TIAM2: variants seen among roughly 807,000 people sequenced by gnomAD.
The protein encoded by TIAM2 is rho guanine nucleotide exchange factor TIAM2.
A neutral mutation model predicts 152.9 loss-of-function variants in TIAM2; 80 were observed. The ratio of observed to expected loss-of-function variants is 0.52; its 90% CI spans 0.44 to 0.63. The LOEUF (loss-of-function observed/expected upper bound fraction) is 0.63, where lower values mean the gene tolerates loss of function less well. Among genes scored for constraint, TIAM2 ranks in the 30% least tolerant of loss-of-function variants. The pLI is 0.00. For missense variants in TIAM2, 1,965 were observed against 2,120.1 expected (o/e 0.93, Z 1.44); for synonymous variants, 804 against 838.0 (o/e 0.96, Z 0.70).
chr6:155,008,313 G>T (rs1778431670), intron 1 of TIAM2, among the ~76,000 whole-genome samples: 1 of 152,204 alleles, frequency 6.6e-6, no homozygotes, highest in African/African-American at 2.4e-5. Context: ...TTAGTGGTTA[G>T]TCCGGATAGT....
intron 9 of TIAM2, among the ~76,000 whole-genome samples, chr6:155,169,641 G>A (rs1230373152): frequency 6.6e-6 from 1 of 152,098 alleles, no homozygotes; most frequent in Non-Finnish European, 1.5e-5. Context: ...GCCGTCAAGG[G>A]GAGCCTGAGT....
chr6:155,188,259 C>T (rs1343667347), intron 14 of TIAM2, among the ~76,000 whole-genome samples: 3 of 152,206 alleles, frequency 2.0e-5, no homozygotes, highest in African/African-American at 4.8e-5. Flanking sequence ...ACACCATGTT[C>T]CATTTGGCAA....
intron 10 of TIAM2, among the ~76,000 whole-genome samples, chr6:155,177,534 G>C (rs1040581735): frequency 2.6e-5 from 4 of 152,158 alleles, no homozygotes; most frequent in Non-Finnish European, 5.9e-5. Context: ...AGCAACATCA[G>C]ATCAGAAGCT....
At chr6:155,229,278 TTGAC>T (rs1207422346) in intron 15 of TIAM2, among the ~76,000 whole-genome samples, 2 of 152,202 alleles carry the variant, frequency 1.3e-5, no homozygotes, top group Non-Finnish European at 2.9e-5. Context: ...TGAGATGAAT[TTGAC>T]TGTTCTTGCC....
intron 15 of TIAM2, among the ~76,000 whole-genome samples, chr6:155,235,140 T>A (rs1782689017): frequency 6.6e-6 from 1 of 152,208 alleles, no homozygotes. Flanking sequence ...TGGAAAGCCC[T>A]GGAGAGTCAT....
intron 5 of TIAM2, among the ~76,000 whole-genome samples, chr6:155,142,053 G>A (rs1414864256): frequency 2.0e-5 from 3 of 151,916 alleles, no homozygotes; most frequent in Admixed American, 6.6e-5. Flanking sequence ...CGGGGTGAAC[G>A]GCAAGGCAGG....
intron 15 of TIAM2, among the ~76,000 whole-genome samples, chr6:155,223,559 T>C (rs991038850): frequency 3.5e-5 from 5 of 144,522 alleles, no homozygotes; most frequent in East Asian, 2.0e-4. Flanking sequence ...TGCACTTCAA[T>C]GGATGCAAAC....
Position 155,219,452 on chromosome 6 carries a change from C to T in TIAM2, c.3168+8145C>T, listed in dbSNP as rs926681733. On this transcript the variant is annotated intron_variant, in intron 15 of 26. Coordinates refer to ENST00000682666, the MANE Select transcript of TIAM2 (RefSeq NM_012454.4). The stretch of plus-strand genomic sequence containing the variant: ...GGCAAGGACACAGATCACCAGGGGT[C>T]AGAGTTGGGCGGAGTGTGGCACCAG... Among the ~76,000 whole-genome samples, 43 of 152,132 alleles carry T rather than the reference C, an allele frequency of 2.8e-4. 1 individual carries two copies. Among genetic ancestry groups the T allele is most frequent in the African/African-American group, 9.2e-4 (38 of 41,422 alleles).
At chr6:155,132,833 T>C (rs1366662947) in intron 4 of TIAM2, among the ~76,000 whole-genome samples, 1 of 152,226 alleles carries the variant, frequency 6.6e-6, no homozygotes, top group Non-Finnish European at 1.5e-5. Flanking sequence ...ATATGTGGCC[T>C]GGCTTACACG....
chr6:155,208,988 G>A lies in TIAM2; in HGVS notation c.3065-2216G>A, dbSNP rs971170548. Among the ~76,000 whole-genome samples the A allele has an allele frequency of 5.9e-5, 9 of 151,806 alleles. No homozygotes were observed. In the South Asian group the frequency reaches 8.3e-4, roughly 14 times the overall value. On this transcript the variant is annotated intron_variant, in intron 14 of 26. Coordinates refer to ENST00000682666, the MANE Select transcript of TIAM2 (RefSeq NM_012454.4). Reference sequence around the variant, plus strand: ...ATCCCCTCTCCCCGCTGCCCACCCCGCCTTGTCATCTTCAGCTTGAAAGTC... The same window carrying A: ...ATCCCCTCTCCCCGCTGCCCACCCCACCTTGTCATCTTCAGCTTGAAAGTC...
chr6:155,240,984 A>G (rs868167349), intron 16 of TIAM2, among the ~76,000 whole-genome samples: 18 of 152,332 alleles, frequency 1.2e-4, no homozygotes, highest in African/African-American at 4.1e-4. Context: ...GTCATTTGCA[A>G]TCTGTGGGAA....
At chr6:155,001,487 A>T (rs780223179) in intron 1 of TIAM2, among the ~76,000 whole-genome samples, 13 of 152,224 alleles carry the variant, frequency 8.5e-5, no homozygotes, top group Non-Finnish European at 1.9e-4. Context: ...GGAAAAAAAA[A>T]TGCCCACGGA....
rs1470361731 is a variant in TIAM2 at position 155,249,956 on chromosome 6, G to C, written c.3938G>C (p.Gly1313Ala). 4 of 1,613,078 alleles carry C rather than the reference G, an allele frequency of 2.5e-6. No homozygotes were observed. In the South Asian group the frequency reaches 4.4e-5, roughly 18 times the overall value. Residue 1313 changes from glycine to alanine, a missense_variant, in exon 21 of 27, where the codon GGA (glycine) becomes GCA (alanine). Coordinates refer to ENST00000682666, the MANE Select transcript of TIAM2 (RefSeq NM_012454.4). ...VFDQLVAEQS[G>A]TEKEVTELSM... ...GACCAGCTAGTAGCTGAGCAGAGCG[G>C]AACAGAGAAGGAGGTCCGTGAGACA... is the stretch of plus-strand genomic sequence containing the variant.
At chr6:155,053,677 G>A (rs1421243946) in intron 1 of TIAM2, among the ~76,000 whole-genome samples, 4 of 151,916 alleles carry the variant, frequency 2.6e-5, no homozygotes, top group African/African-American at 9.7e-5. Flanking sequence ...TGCCATGTTG[G>A]CCAGGCTGGT....
intron 1 of TIAM2, among the ~76,000 whole-genome samples, chr6:155,087,012 G>A (rs1210189132): frequency 2.0e-5 from 3 of 152,138 alleles, no homozygotes; most frequent in Admixed American, 2.0e-4. Flanking sequence ...AAATAATTGC[G>A]AGGCAATTGC....
chr6:155,202,667 A>G (rs1489192584), intron 14 of TIAM2, among the ~76,000 whole-genome samples: 3 of 150,792 alleles, frequency 2.0e-5, no homozygotes, highest in African/African-American at 4.9e-5. Context: ...ACCGCAAGCA[A>G]TCCTCCTGCC....
At chr6:155,150,693 G>A (rs745856818) in intron 7 of TIAM2, among the ~76,000 whole-genome samples, 1 of 152,190 alleles carries the variant, frequency 6.6e-6, no homozygotes, top group Non-Finnish European at 1.5e-5. Context: ...AGGCTGAGAA[G>A]TCCAAGATCA....
chr6:155,138,353 A>G (rs951763837), intron 5 of TIAM2, among the ~76,000 whole-genome samples: 26 of 151,940 alleles, frequency 1.7e-4, no homozygotes, highest in Admixed American at 8.5e-4. Flanking sequence ...AACTAAGATT[A>G]TCATCTGGAT....
In TIAM2 at chr6:155,245,553, G is replaced by A. The variant is rs1033709049; in HGVS notation, c.3544-70G>A. ...GGAATCTGACAGAAGCCATGGGGCCGTCAAATGCCATAAGCCAGCACGCAT... is the reference window on the plus strand; with the variant it reads ...GGAATCTGACAGAAGCCATGGGGCCATCAAATGCCATAAGCCAGCACGCAT... On this transcript the variant is annotated intron_variant, in intron 18 of 26. Coordinates refer to ENST00000682666, the MANE Select transcript of TIAM2 (RefSeq NM_012454.4). 1.6e-5 allele frequency: 21 copies of A among 1,313,430 alleles called. No individual in the cohort carries two copies. The East Asian group carries it at 2.8e-4, about 17-fold the overall frequency. The allele number at this position is 1,313,430 out of a possible 1,614,324, so 81.4% of individuals were successfully genotyped here.
Sources: gnomAD v4.1 joint callset for allele counts (sites outside exome capture counted in the v4.1 genomes callset) on GRCh38, gnomAD v4.1.1 for gene constraint, MANE v1.5 for transcripts, NCBI Gene and HGNC (gene_info 2026-07-23, HGNC 2026-07-21) for gene names.